Variants in NARF observed in about 807,000 individuals in gnomAD.
NARF encodes the protein nuclear prelamin A recognition factor.
A neutral mutation model predicts 48.0 loss-of-function variants in NARF; 41 were observed. The observed-to-expected ratio is 0.85, with a 90% CI of 0.66 to 1.11. The LOEUF is 1.11. Ranked by LOEUF, NARF falls within the 50% of genes least tolerant of loss-of-function variation. The pLI is 0.00. For missense variants in NARF, 613 were observed against 590.2 expected (o/e 1.04, Z -0.40); for synonymous variants, 215 against 225.5 (o/e 0.95, Z 0.42).
intron 7 of NARF, chr17:82,483,122 A>G (rs893313421): frequency 5.6e-6 from 1 of 178,880 alleles, no homozygotes; most frequent in African/African-American, 2.4e-5. Flanking sequence ...GTTCGAGACC[A>G]GTCTGGCCAA....
chr17:82,460,834 G>A (rs1417178952), intron 2 of NARF: 4 of 152,314 alleles, frequency 2.6e-5, no homozygotes, highest in Non-Finnish European at 5.9e-5. Flanking sequence ...CACAAGGCCT[G>A]TCTTCTCAGA....
intron 3 of NARF, chr17:82,468,440 G>A (rs1599826927): frequency 3.4e-6 from 1 of 291,800 alleles, no homozygotes; most frequent in East Asian, 8.9e-5. Context: ...ATAGCGCTCT[G>A]CAGTCTCAAA....
chr17:82,483,570 C>A, intron 7 of NARF, 146 bp from the exon 8 acceptor site: 1 of 666,320 alleles, frequency 1.5e-6, no homozygotes, highest in Non-Finnish European at 2.7e-6. Flanking sequence ...CCTCACTTTG[C>A]CCTTTAGATG....
intron 5 of NARF, chr17:82,478,494 G>A: frequency 2.1e-6 from 1 of 471,940 alleles, no homozygotes; most frequent in Admixed American, 2.4e-5. Flanking sequence ...TGCTCCTGCT[G>A]CCTTTCAGTG....
rs115800211 is a variant in NARF at position 82,487,700 on chromosome 17, A to G, written c.1130-216A>G. ...CCGGCTGGGTGCGGTGGCTCACGCC[A>G]GTGGTCCCAGCTCGAAGTAGGATTG... On this transcript the variant is annotated intron_variant, in intron 10 of 10. Transcript: ENST00000309794. Among the ~76,000 whole-genome samples the G allele has an allele frequency of 8.3e-3, 1,259 of 152,294 alleles. 19 individuals are homozygous for G. The highest frequency in any genetic ancestry group is 0.029 in the African/African-American group (1,189 of 41,566).
intron 3 of NARF, 133 bp downstream of exon 3, chr17:82,464,563 C>A: frequency 8.5e-7 from 1 of 1,173,060 alleles, no homozygotes. Flanking sequence ...GTGTTGCTAA[C>A]ATCCTGCTTT....
chr17:82,477,530 C>T (rs117795219), intron 5 of NARF: 14,350 of 151,978 alleles, frequency 0.094, 953 homozygotes, highest in Non-Finnish European at 0.15. Flanking sequence ...ACCAAAAAAA[C>T]AACACAGAGT....
chr17:82,472,825 A>G, intron 5 of NARF, 127 bp downstream of exon 5: 1 of 1,220,134 alleles, frequency 8.2e-7, no homozygotes, highest in Non-Finnish European at 1.1e-6. Context: ...CCAGGAGGGA[A>G]GAGCTTGGCC....
At chr17:82,465,318 GAGAA>G (rs2043538466) in intron 3 of NARF, among the ~76,000 whole-genome samples, 1 of 152,188 alleles carries the variant, frequency 6.6e-6, no homozygotes. Context: ...ACAGGTGAAA[GAGAA>G]AGAGACAAAG....
intron 6 of NARF, 85 bp from the exon 7 acceptor site, chr17:82,480,997 C>T: frequency 1.3e-6 from 2 of 1,544,284 alleles, no homozygotes; most frequent in South Asian, 2.2e-5. Flanking sequence ...GGCATTCGGT[C>T]TCCCATCCCT....
intron 3 of NARF, among the ~76,000 whole-genome samples, chr17:82,468,161 A>T (rs1355165111): frequency 6.6e-6 from 1 of 152,124 alleles, no homozygotes; most frequent in Non-Finnish European, 1.5e-5. Context: ...AAGACAAAAA[A>T]TTAGCTGGGT....
At position 82,478,808 on chromosome 17, in the gene NARF, C is replaced by T. The variant is rs770987175; in HGVS notation, c.529C>T (p.Arg177Ter). 7.4e-6 allele frequency: 12 copies of T among 1,613,324 alleles called. No homozygotes were observed. Among genetic ancestry groups the T allele is most frequent in the South Asian group, 2.2e-5 (2 of 90,996 alleles). Reference protein sequence around the residue: ...MLTSACPGWVRYAERVLGRPI... With the variant: ...MLTSACPGWV ...ATCCCTTCTCTCCCCAGGCTGGGTC[C>T]GATACGCCGAGCGGGTGCTGGGTCG... The change falls in exon 6 of 11, where the codon CGA becomes TGA. Residue 177 changes from arginine (R) to a stop codon, truncating the protein, a stop_gained. Transcript: ENST00000309794. LOFTEE classifies it high-confidence loss of function.
At chr17:82,482,278 A>G (rs906807084) in intron 7 of NARF, 1 of 427,660 alleles carries the variant, frequency 2.3e-6, no homozygotes, top group Admixed American at 2.7e-5. Flanking sequence ...GCCTCTGGAA[A>G]GGTCCCCACC....
At position 82,488,311 on chromosome 17, in the gene NARF, T is replaced by C. The variant is rs2044144918; in HGVS notation, c.*154T>C. The C allele has an allele frequency of 2.1e-5, 26 of 1,218,022 alleles. 1 individual carries two copies. The South Asian group carries it at 4.0e-4, about 19-fold the overall frequency. 75.5% of individuals were successfully genotyped at this position (1,218,022 alleles called of 1,614,324 possible). ...CCGAGTTCCCTGCTACCCCGTTTAT[T>C]GGAGGCCCCTCAGGCAGTTTCATGT... On this transcript the variant is annotated 3_prime_UTR_variant, in exon 11 of 11. Coordinates refer to ENST00000309794, the MANE Select transcript of NARF (RefSeq NM_012336.4).
chr17:82,480,702 C>A (rs141554985), intron 6 of NARF: 2 of 439,072 alleles, frequency 4.6e-6, no homozygotes, highest in Non-Finnish European at 8.0e-6. Flanking sequence ...GAGGCCGAGG[C>A]GGGCAGATTG....
chr17:82,478,467 G>A (rs1183558584), intron 5 of NARF: 4 of 404,886 alleles, frequency 9.9e-6, no homozygotes, highest in Non-Finnish European at 1.5e-5. Context: ...GATTTTGCAC[G>A]GTGCAGCCTG....
At chr17:82,484,048 A>G (rs1404693124) in intron 8 of NARF, 1 of 443,920 alleles carries the variant, frequency 2.3e-6, no homozygotes, top group Non-Finnish European at 4.1e-6. Flanking sequence ...CAAAATGCAC[A>G]AACAGCTTTG....
Position 82,490,406 on chromosome 17 carries a change from A to G in NARF, c.*2249A>G, listed in dbSNP as rs1485070238. The G allele has an allele frequency of 6.6e-6, 1 of 152,330 alleles. No individual in the cohort carries two copies. Among genetic ancestry groups the G allele is most frequent in the African/African-American group, 2.4e-5 (1 of 41,460 alleles). The allele number at this position is 152,330 out of a possible 1,614,324, so 9.4% of individuals were successfully genotyped here. A position where few individuals can be genotyped will look rare whatever the true frequency, so the allele number is the denominator to read the frequency against. ...GTGCACCTGTCTTGTCAATAACTGCATATATTGTGTTGCGTTGCCTGTCTT... is the reference window on the plus strand; with the variant it reads ...GTGCACCTGTCTTGTCAATAACTGCGTATATTGTGTTGCGTTGCCTGTCTT... On this transcript the variant is annotated 3_prime_UTR_variant, in exon 11 of 11. Transcript: ENST00000309794.
rs966141681 is a variant in NARF at position 82,485,144 on chromosome 17, G to A, written c.971+194G>A. On this transcript the variant is annotated intron_variant, in intron 9 of 10. Coordinates refer to ENST00000309794, the MANE Select transcript of NARF (RefSeq NM_012336.4). ...CTTACATTAGAAAGTGTTCTTGGCC[G>A]GGTGCGGTGGCTCGTGCCTGTAATC... Among the ~76,000 whole-genome samples, 3 of 152,300 alleles carry A rather than the reference G, an allele frequency of 2.0e-5. No individual in the cohort carries two copies. The South Asian group carries it at 6.2e-4, about 32-fold the overall frequency.
Sources: gnomAD v4.1 joint callset for allele counts (sites outside exome capture counted in the v4.1 genomes callset) on GRCh38, gnomAD v4.1.1 for gene constraint, MANE v1.5 for transcripts, NCBI Gene and HGNC (gene_info 2026-07-23, HGNC 2026-07-21) for gene names.